The following PCDH15 variants were observed in gnomAD, a reference collection of about 807,000 sequenced individuals.
The protein encoded by PCDH15 is protocadherin related 15.
A neutral mutation model predicts 178.5 loss-of-function variants in PCDH15; 129 were observed. That is an observed-to-expected ratio of 0.72 (90% CI 0.63 to 0.84). PCDH15 has a LOEUF of 0.84. PCDH15 is among the 40% of genes least tolerant of loss of function. PCDH15 has a pLI of 0.00. For synonymous variants in PCDH15, 800 were observed against 732.0 expected (o/e 1.09, Z -1.50); for missense variants, 2,230 against 2,099.9 (o/e 1.06, Z -1.21).
intron 2 of PCDH15, among the ~76,000 whole-genome samples, chr10:55,328,432 A>G (rs1280505613): frequency 1.3e-5 from 2 of 151,868 alleles, no homozygotes; most frequent in Admixed American, 6.6e-5. Context: ...ACTATACTGA[A>G]TACTGTAGGC....
chr10:54,801,924 T>C (rs1156344298), upstream of PCDH15, among the ~76,000 whole-genome samples: 1 of 152,226 alleles, frequency 6.6e-6, no homozygotes, highest in African/African-American at 2.4e-5. Context: ...AATACAATTA[T>C]GTCATATAAA....
intron 1 of PCDH15, among the ~76,000 whole-genome samples, chr10:54,712,875 G>T (rs890319731): frequency 6.6e-6 from 1 of 151,956 alleles, no homozygotes; most frequent in South Asian, 2.1e-4. Flanking sequence ...GGATAGTTTG[G>T]ATAAACTTTG....
At chr10:54,500,986 G>T (rs899216597) in intron 3 of PCDH15, among the ~76,000 whole-genome samples, 26 of 152,088 alleles carry the variant, frequency 1.7e-4, no homozygotes, top group East Asian at 7.8e-4. Context: ...ACTAACACAG[G>T]AACAGAAAAC....
chr10:55,197,582 G>A (rs944916714), intron 1 of PCDH15, among the ~76,000 whole-genome samples: 4 of 151,960 alleles, frequency 2.6e-5, no homozygotes, highest in African/African-American at 4.8e-5. Context: ...TTGATTCTGG[G>A]TCACCAAACA....
At chr10:53,816,146 C>T (rs1054194804) in intron 35 of PCDH15, 93 bp downstream of exon 35, 21 of 397,552 alleles carry the variant, frequency 5.3e-5, no homozygotes, top group Non-Finnish European at 1.3e-5. Context: ...GCCACATTGG[C>T]AGACACCCAC....
chr10:54,931,530 T>C (rs1837775608), intron 2 of PCDH15, among the ~76,000 whole-genome samples: 1 of 152,176 alleles, frequency 6.6e-6, no homozygotes, highest in African/African-American at 2.4e-5. Context: ...GGCAGATTTG[T>C]CCACTTAATA....
rs1363349052 is a variant in PCDH15 at position 53,821,343 on chromosome 10, C to G, written c.4368-1113G>C. The G allele has an allele frequency of 3.0e-6, 3 of 990,060 alleles. No individual in the cohort carries two copies. The African/African-American group carries it at 5.2e-5, about 17-fold the overall frequency. The allele number at this position is 990,060 out of a possible 1,614,324, so 61.3% of individuals were successfully genotyped here. A position where few individuals can be genotyped will look rare whatever the true frequency, so the allele number is the denominator to read the frequency against. ...TGAAATACCTTATGTCTGTCATCTC[C>G]TACAATCTAGGTACATTATATTTTA... is the stretch of plus-strand genomic sequence containing the variant. On this transcript the variant is annotated intron_variant, in intron 32 of 37. Transcript: ENST00000644397.
chr10:55,194,324 A>G (rs72801698), intron 1 of PCDH15, among the ~76,000 whole-genome samples: 17,097 of 152,070 alleles, frequency 0.11, 1,069 homozygotes, highest in East Asian at 0.25. Context: ...TATGTTAAAA[A>G]CTATTGTCTA....
intron 1 of PCDH15, among the ~76,000 whole-genome samples, chr10:54,718,239 T>C (rs2095504707): frequency 6.7e-6 from 1 of 150,236 alleles, no homozygotes; most frequent in East Asian, 1.9e-4. Flanking sequence ...TGTGCACATG[T>C]ACCCTAAAAC....
chr10:54,596,332 C>T (rs1052817536), intron 2 of PCDH15, among the ~76,000 whole-genome samples: 9 of 152,054 alleles, frequency 5.9e-5, no homozygotes, highest in Non-Finnish European at 1.2e-4. Flanking sequence ...AGAAGAAATT[C>T]CAGCCAAAGA....
intron 8 of PCDH15, among the ~76,000 whole-genome samples, chr10:54,309,505 A>C (rs113296376): frequency 2.0e-4 from 31 of 152,186 alleles, no homozygotes; most frequent in African/African-American, 7.5e-4. Flanking sequence ...ATATGCAAAA[A>C]ATATCAGGCT....
At chr10:55,504,397 G>A (rs976750427) in intron 2 of PCDH15, among the ~76,000 whole-genome samples, 4 of 151,198 alleles carry the variant, frequency 2.6e-5, no homozygotes, top group Non-Finnish European at 4.4e-5. Flanking sequence ...ACTAAAAAGT[G>A]CTCACATATT....
chr10:54,921,646 T>C lies in PCDH15; in HGVS notation c.-79-24146A>G, dbSNP rs543900292. Among the ~76,000 whole-genome samples the C allele has an allele frequency of 7.9e-5, 12 of 152,206 alleles. 1 individual carries two copies. In the South Asian group the frequency reaches 2.5e-3, roughly 32 times the overall value. ...ATCACCTCTAGCTCCATCCATGTTC[T>C]GATAAAAGACTTGATCTCACTCTTT... On this transcript the variant is annotated intron_variant, in intron 2 of 5. Coordinates refer to the PCDH15 transcript ENST00000458638.
Position 54,418,768 on chromosome 10 carries a change from C to A in PCDH15, c.158-39826G>T, listed in dbSNP as rs75471429. ...ATTGAAAAATGACCAACATATAAAT[C>A]ATAAATAAGTTTGATGCAACAAATA... On this transcript the variant is annotated intron_variant, in intron 3 of 37. Coordinates refer to ENST00000644397, the MANE Select transcript of PCDH15 (RefSeq NM_001384140.1). Among the ~76,000 whole-genome samples, 906 of 151,866 alleles carry A rather than the reference C, an allele frequency of 6.0e-3. 6 individuals carry two copies. Among genetic ancestry groups the A allele is most frequent in the African/African-American group, 0.02 (844 of 41,456 alleles).
intron 2 of PCDH15, among the ~76,000 whole-genome samples, chr10:54,982,183 C>T (rs540279523): frequency 1.8e-4 from 27 of 151,984 alleles, no homozygotes; most frequent in Admixed American, 3.9e-4. Context: ...AATAAAGAGA[C>T]GTAAAGTGAT....
intron 3 of PCDH15, among the ~76,000 whole-genome samples, chr10:54,819,841 T>C (rs1404543898): frequency 6.6e-6 from 1 of 152,058 alleles, no homozygotes. Context: ...GACTAGATTA[T>C]CTTCATTACT....
At chr10:54,377,950 G>A (rs977518762) in intron 4 of PCDH15, among the ~76,000 whole-genome samples, 5 of 151,476 alleles carry the variant, frequency 3.3e-5, no homozygotes, top group African/African-American at 4.9e-5. Flanking sequence ...GTAGTGTCTC[G>A]CTCTGCTGTC....
Position 53,836,265 on chromosome 10 carries a change from A to C in PCDH15, c.3983+4055T>G, listed in dbSNP as rs1564574295. On this transcript the variant is annotated intron_variant, in intron 29 of 37. Transcript: ENST00000644397. ...GGATGGCTGCCATGATGCCATAAGA[A>C]AGAGGGGGAAAAAATCTTGAGAAAG... Among the ~76,000 whole-genome samples, 3 of 152,102 alleles carry C rather than the reference A, an allele frequency of 2.0e-5. 1 individual carries two copies. Among genetic ancestry groups the C allele is most frequent in the South Asian group, 2.1e-4 (1 of 4,822 alleles).
chr10:54,452,982 G>A (rs964252846), intron 3 of PCDH15, among the ~76,000 whole-genome samples: 3 of 152,048 alleles, frequency 2.0e-5, no homozygotes, highest in Non-Finnish European at 4.4e-5. Context: ...GTTAAGATGA[G>A]GTCGTACTGG....
Sources: allele counts gnomAD v4.1 joint callset (sites outside exome capture counted in the v4.1 genomes callset), GRCh38; gene constraint gnomAD v4.1.1; transcripts MANE v1.5; gene names NCBI Gene and HGNC (gene_info 2026-07-23, HGNC 2026-07-21).